ATP9A: variants seen among roughly 807,000 people sequenced by gnomAD.
ATP9A encodes probable phospholipid-transporting ATPase IIA.
A neutral mutation model predicts 144.1 loss-of-function variants in ATP9A; 52 were observed. That is an observed-to-expected ratio of 0.36 (90% CI 0.29 to 0.45). The LOEUF is 0.45. ATP9A is among the 20% of genes least tolerant of loss of function. The pLI, the probability that ATP9A is intolerant of heterozygous loss-of-function variation, is 1.00. For synonymous variants in ATP9A, 582 were observed against 557.4 expected (o/e 1.04, Z -0.62); for missense variants, 947 against 1,392.7 (o/e 0.68, Z 5.09).
chr20:51,657,537 T>TTA (rs1158794616), intron 13 of ATP9A, among the ~76,000 whole-genome samples: 2 of 152,066 alleles, frequency 1.3e-5, no homozygotes, highest in Admixed American at 6.5e-5. Flanking sequence ...TTGGGGGACA[T>TTA]TATATAGGGT....
intron 14 of ATP9A, among the ~76,000 whole-genome samples, chr20:51,645,765 CCAGA>C (rs950697613): frequency 3.3e-5 from 5 of 152,290 alleles, no homozygotes; most frequent in Admixed American, 1.3e-4. Context: ...CGATTGTGGG[CCAGA>C]CAAACATCTG....
intron 1 of ATP9A, among the ~76,000 whole-genome samples, chr20:51,746,793 C>T (rs2077810178): frequency 6.6e-6 from 1 of 152,100 alleles, no homozygotes. Flanking sequence ...GAGCCAACAT[C>T]ACGCCACTGC....
At chr20:51,707,327 G>A (rs974329332) in intron 4 of ATP9A, among the ~76,000 whole-genome samples, 6 of 152,012 alleles carry the variant, frequency 3.9e-5, no homozygotes, top group African/African-American at 1.4e-4. Flanking sequence ...ACCTCTTCTG[G>A]AAAGACATCA....
intron 17 of ATP9A, among the ~76,000 whole-genome samples, chr20:51,627,215 C>A (rs1269813887): frequency 6.6e-6 from 1 of 152,084 alleles, no homozygotes. Flanking sequence ...ATTCTTCTGG[C>A]CTCTCCAGAT....
chr20:51,730,085 T>C, intron 1 of ATP9A, 107 bp from the exon 2 acceptor site: 1 of 1,235,742 alleles, frequency 8.1e-7, no homozygotes, highest in Non-Finnish European at 1.1e-6. Context: ...CTTCTCTGGC[T>C]CAGGACCACA....
chr20:51,680,225 T>TAAAAAAA (rs11478096), intron 9 of ATP9A, among the ~76,000 whole-genome samples: 1 of 123,422 alleles, frequency 8.1e-6, no homozygotes, highest in African/African-American at 3.2e-5. Context: ...GAGACTGTCT[T>TAAAAAAA]AAAAAAAAAA....
intron 4 of ATP9A, among the ~76,000 whole-genome samples, chr20:51,711,857 T>A (rs1253260656): frequency 8.7e-6 from 1 of 114,736 alleles, no homozygotes; most frequent in Non-Finnish European, 1.9e-5. Flanking sequence ...TTTCAATTTT[T>A]TTTTTTTTTT....
chr20:51,630,486 T>C (rs2077265801), intron 15 of ATP9A, among the ~76,000 whole-genome samples: 1 of 152,082 alleles, frequency 6.6e-6, no homozygotes, highest in Non-Finnish European at 1.5e-5. Context: ...GTAGATCACC[T>C]GAGGTCAGGA....
At chr20:51,624,826 T>C (rs1350057639) in intron 18 of ATP9A, among the ~76,000 whole-genome samples, 1 of 151,654 alleles carries the variant, frequency 6.6e-6, no homozygotes, top group Admixed American at 6.6e-5. Flanking sequence ...GCCAACATGG[T>C]GAAACCCTCT....
intron 1 of ATP9A, among the ~76,000 whole-genome samples, chr20:51,738,419 C>G (rs1272697666): frequency 6.6e-6 from 1 of 152,156 alleles, no homozygotes; most frequent in Non-Finnish European, 1.5e-5. Context: ...GTGTATGCCT[C>G]TCGGCCAGGC....
At chr20:51,605,488 T>C (rs11700032) in intron 26 of ATP9A, among the ~76,000 whole-genome samples, 1 of 152,082 alleles carries the variant, frequency 6.6e-6, no homozygotes, top group Non-Finnish European at 1.5e-5. Flanking sequence ...CATGGTGGCA[T>C]GCACCTGTAG....
intron 1 of ATP9A, among the ~76,000 whole-genome samples, chr20:51,752,954 T>C (rs1296741360): frequency 6.6e-6 from 1 of 152,040 alleles, no homozygotes; most frequent in Non-Finnish European, 1.5e-5. Flanking sequence ...AATACAAAAA[T>C]AGCTGGGGGT....
In ATP9A at chr20:51,669,880, A is replaced by G. The variant is rs971947863; in HGVS notation, c.1293+117T>C. The G allele has an allele frequency of 1.7e-5, 13 of 744,064 alleles. No homozygotes were observed. The African/African-American group carries it at 2.3e-4, about 13-fold the overall frequency. 46.1% of individuals were successfully genotyped at this position (744,064 alleles called of 1,614,324 possible). A position where few individuals can be genotyped will look rare whatever the true frequency, so the allele number is the denominator to read the frequency against. On this transcript the variant is annotated intron_variant, in intron 13 of 27. Coordinates refer to ENST00000338821, the MANE Select transcript of ATP9A (RefSeq NM_006045.3). ...ACTCTGAATATGCTTAAAAAAAAAC[A>G]ATGAATTGTACTCTTGAAATGGGTG... is the stretch of plus-strand genomic sequence containing the variant.
chr20:51,693,998 A>G lies in ATP9A; in HGVS notation c.642+10T>C. The stretch of plus-strand genomic sequence containing the variant: ...TGCCCGCATGGGCTTCTGCAGGGAA[A>G]GCTACTCACGGCGGCCGTGGGGAGC... On this transcript the variant is annotated intron_variant, in intron 7 of 27. Coordinates refer to ENST00000338821, the MANE Select transcript of ATP9A (RefSeq NM_006045.3). 6.2e-7 allele frequency: 1 copy of G among 1,611,194 alleles called. No homozygotes were observed. The highest frequency in any genetic ancestry group is 8.5e-7 in the Non-Finnish European group (1 of 1,178,316).
intron 4 of ATP9A, among the ~76,000 whole-genome samples, chr20:51,709,726 CTAAA>C (rs2077629842): frequency 6.6e-6 from 1 of 152,064 alleles, no homozygotes; most frequent in African/African-American, 2.4e-5. Context: ...GATCCTGTCT[CTAAA>C]TAAATAAATA....
rs1352428431 is a variant in ATP9A at position 51,639,492 on chromosome 20, G to C, written c.1519C>G (p.Gln507Glu). 1 of 1,609,820 alleles carries C rather than the reference G, an allele frequency of 6.2e-7. No homozygotes were observed. Among genetic ancestry groups the C allele is most frequent in the African/African-American group, 1.3e-5 (1 of 74,636 alleles). The change falls in exon 15 of 28, where the codon CAG (glutamine) becomes GAG (glutamate). Residue 507 changes from glutamine to glutamate, a missense_variant. Coordinates refer to ENST00000338821, the MANE Select transcript of ATP9A (RefSeq NM_006045.3). The part of the protein sequence containing the change: ...ASSPDEVALV[Q>E]WTESVGLTLV... ...GTTAAGCCCACACTTTCCGTCCACT[G>C]TACCAGGGCCACCTAAACATAACAC...
At position 51,729,740 on chromosome 20, in the gene ATP9A, G is replaced by A. The variant is rs182414190; in HGVS notation, c.213+94C>T. On this transcript the variant is annotated intron_variant, in intron 2 of 27. Transcript: ENST00000338821. ...AGCCTGGGCGACAGAGTAAGACTCT[G>A]TCTAAAAAATAACATGACATGACAT... 1.4e-3 allele frequency: 1,901 copies of A among 1,377,216 alleles called. 2 individuals carry two copies. Among genetic ancestry groups the A allele is most frequent in the Non-Finnish European group, 1.5e-3 (1,530 of 1,045,680 alleles). The allele number at this position is 1,377,216 out of a possible 1,614,324, so 85.3% of individuals were successfully genotyped here. A position where few individuals can be genotyped will look rare whatever the true frequency, so the allele number is the denominator to read the frequency against.
At chr20:51,691,383 C>T (rs772410492) in intron 7 of ATP9A, among the ~76,000 whole-genome samples, 8 of 152,178 alleles carry the variant, frequency 5.3e-5, no homozygotes, top group African/African-American at 1.2e-4. Context: ...GCAGGAGAAT[C>T]GCTTGAACCC....
chr20:51,758,624 T>C (rs1002237765), intron 1 of ATP9A, among the ~76,000 whole-genome samples: 4 of 151,986 alleles, frequency 2.6e-5, no homozygotes, highest in Non-Finnish European at 5.9e-5. Flanking sequence ...AGCTGTACAG[T>C]AGGTAGAAAG....
Sources: gnomAD v4.1 joint callset for allele counts (sites outside exome capture counted in the v4.1 genomes callset) on GRCh38, gnomAD v4.1.1 for gene constraint, MANE v1.5 for transcripts, NCBI Gene and HGNC (gene_info 2026-07-23, HGNC 2026-07-21) for gene names.